The following PCDHA5 variants were observed in gnomAD, a reference collection of about 807,000 sequenced individuals.
PCDHA5 encodes protocadherin alpha 5, also known as protocadherin alpha-5.
Under a neutral mutation model 61.6 loss-of-function variants are expected in PCDHA5, and 43 were observed. The observed-to-expected ratio is 0.70, with a 90% confidence interval of 0.55 to 0.90. PCDHA5 has a LOEUF of 0.90. Ranked by LOEUF, PCDHA5 falls within the 40% of genes least tolerant of loss-of-function variation. The pLI is 0.00. For missense variants in PCDHA5, 1,298 were observed against 1,222.7 expected (o/e 1.06, Z -0.92); for synonymous variants, 627 against 543.9 (o/e 1.15, Z -2.13).
At position 140,823,087 on chromosome 5, in the gene PCDHA5, G is replaced by T; in HGVS notation, c.1312G>T (p.Ala438Ser). 1.2e-6 allele frequency: 2 copies of T among 1,613,984 alleles called. No homozygotes were observed. The highest frequency in any genetic ancestry group is 4.5e-5 in the East Asian group (2 of 44,888). ...GGGCTCGCCTTCGCTGTGGGCCACC[G>T]CCAGCGTGTCTGTGGAAGTGGCCGA... ...DGGSPSLWAT[A>S]SVSVEVADVN... is the part of the protein sequence containing the mutation. Residue 438 changes from alanine (A) to serine (S), a missense_variant, in exon 1 of 4, where the codon GCC becomes TCC. By Grantham distance (99) the Ala-to-Ser change is moderately conservative (BLOSUM62 1). Transcript: ENST00000529859.
chr5:140,974,534 G>A (rs929112962), intron 1 of PCDHA5, among the ~76,000 whole-genome samples: 4 of 151,974 alleles, frequency 2.6e-5, no homozygotes, highest in Admixed American at 1.3e-4. Flanking sequence ...TTTTTGAGAC[G>A]GAGTTTTGCT....
intron 1 of PCDHA5, chr5:140,871,710 C>A: frequency 3.6e-6 from 3 of 826,484 alleles, no homozygotes; most frequent in South Asian, 4.5e-5. Flanking sequence ...AATAAATGTC[C>A]TATTTCTCTT....
intron 1 of PCDHA5, among the ~76,000 whole-genome samples, chr5:140,964,657 G>A (rs2067599): frequency 0.18 from 27,796 of 151,812 alleles, 2,893 homozygotes; most frequent in African/African-American, 0.28. Context: ...TAATGGGTGA[G>A]GACACAGGCC....
chr5:140,869,297 G>T lies in PCDHA5; in HGVS notation c.2352+45170G>T. 3.7e-6 allele frequency: 6 copies of T among 1,613,580 alleles called. No homozygotes were observed. The highest frequency in any genetic ancestry group is 1.1e-5 in the South Asian group (1 of 91,050). On this transcript the variant is annotated intron_variant, in intron 1 of 3. Transcript: ENST00000529859. ...GCGGAGCTGGTGCAGCGCCTGTTCC[G>T]GGTGGCGTCCAAAACACATGGGGAC...
chr5:140,884,497 C>T, intron 1 of PCDHA5: 1 of 1,614,042 alleles, frequency 6.2e-7, no homozygotes, highest in Non-Finnish European at 8.5e-7. Flanking sequence ...TGTGCTCCAG[C>T]GCGGCAGGGA....
intron 1 of PCDHA5, among the ~76,000 whole-genome samples, chr5:140,964,435 C>G (rs2095833359): frequency 6.6e-6 from 1 of 152,108 alleles, no homozygotes; most frequent in African/African-American, 2.4e-5. Context: ...AATTACCAAG[C>G]CTCTGCCACT....
At chr5:140,928,752 T>C (rs781823494) in intron 1 of PCDHA5, 3 of 1,614,208 alleles carry the variant, frequency 1.9e-6, no homozygotes, top group Non-Finnish European at 2.5e-6. Context: ...AGCTCCGTAC[T>C]GCTCGCTTAG....
At chr5:140,962,817 G>A (rs555403742) in intron 1 of PCDHA5, among the ~76,000 whole-genome samples, 2 of 152,202 alleles carry the variant, frequency 1.3e-5, no homozygotes, top group South Asian at 4.1e-4. Flanking sequence ...CATCAGAGAT[G>A]ACCATTTGTC....
chr5:140,830,164 G>A, intron 1 of PCDHA5: 1 of 1,613,544 alleles, frequency 6.2e-7, no homozygotes, highest in Non-Finnish European at 8.5e-7. Context: ...GCCCAGAGGC[G>A]GCGCTGGTGG....
At chr5:140,828,473 G>A in intron 1 of PCDHA5, 1 of 1,614,248 alleles carries the variant, frequency 6.2e-7, no homozygotes, top group Non-Finnish European at 8.5e-7. Context: ...GGACATTAAC[G>A]ACAACCCGCC....
chr5:140,917,778 G>A (rs1271229686), intron 1 of PCDHA5, among the ~76,000 whole-genome samples: 4 of 152,218 alleles, frequency 2.6e-5, no homozygotes, highest in African/African-American at 9.6e-5. Flanking sequence ...TTAGTACCAT[G>A]TTGTTTTGGT....
rs1427134752 is a variant in PCDHA5 at position 140,834,645 on chromosome 5, T to C, written c.2352+10518T>C. Reference sequence around the variant, plus strand: ...GCAGAATGGCATTTTGTTTGTGAATTCTCGGATCGACCGCGAGGAGCTGTG... The same window carrying C: ...GCAGAATGGCATTTTGTTTGTGAATCCTCGGATCGACCGCGAGGAGCTGTG... On this transcript the variant is annotated intron_variant, in intron 1 of 3. Transcript: ENST00000529859. The C allele has an allele frequency of 2.5e-6, 4 of 1,614,086 alleles. No individual in the cohort carries two copies. The East Asian group carries it at 8.9e-5, about 36-fold the overall frequency.
intron 1 of PCDHA5, among the ~76,000 whole-genome samples, chr5:140,931,344 A>G (rs1233861770): frequency 6.6e-6 from 1 of 151,910 alleles, no homozygotes; most frequent in East Asian, 1.9e-4. Flanking sequence ...GGAGTGAGGA[A>G]TTTTTTTTAG....
intron 3 of PCDHA5, among the ~76,000 whole-genome samples, chr5:141,005,012 G>T (rs782256217): frequency 3.3e-5 from 5 of 152,212 alleles, no homozygotes; most frequent in Non-Finnish European, 4.4e-5. Context: ...CCTGAGAGCT[G>T]CATTATATAT....
intron 1 of PCDHA5, chr5:140,851,368 A>T: frequency 1.0e-6 from 1 of 976,356 alleles, no homozygotes; most frequent in Non-Finnish European, 1.2e-6. Flanking sequence ...TGAACATCTG[A>T]TTGTTCAGCA....
chr5:140,903,550 C>T lies in PCDHA5; in HGVS notation c.2353-75399C>T, dbSNP rs139225982. 2.6e-3 allele frequency among the ~76,000 whole-genome samples: 396 copies of T among 152,250 alleles called. 2 individuals carry two copies. The highest frequency in any genetic ancestry group is 9.3e-3 in the African/African-American group (385 of 41,564). The stretch of plus-strand genomic sequence containing the variant: ...CTTTAAACTAGAGCAAGAAACTTTT[C>T]TAATAAGTGGAATTGGGAGCTGTCT... On this transcript the variant is annotated intron_variant, in intron 1 of 3. Transcript: ENST00000529859.
At position 140,857,274 on chromosome 5, in the gene PCDHA5, AC is replaced by A. The variant is rs782434085; in HGVS notation, c.2352+33148del. 196 of 1,598,554 alleles carry A rather than the reference AC, an allele frequency of 1.2e-4. 15 individuals are homozygous for A. The highest frequency in any genetic ancestry group is 3.4e-5 in the Admixed American group (2 of 59,316). On this transcript the variant is annotated intron_variant, in intron 1 of 3. Transcript: ENST00000529859. ...AAGAATTACTACTCATTGGTGCTGG[AC>A]AGCGCTCTGGACCGCGAGAGGGTGT...
chr5:140,839,514 C>G (rs544251517), intron 1 of PCDHA5, among the ~76,000 whole-genome samples: 6 of 151,964 alleles, frequency 3.9e-5, no homozygotes, highest in Non-Finnish European at 8.8e-5. Flanking sequence ...CTCAGCCTCT[C>G]AAGTTGCTGG....
intron 1 of PCDHA5, among the ~76,000 whole-genome samples, chr5:140,874,231 G>T (rs1554167098): frequency 6.6e-6 from 1 of 152,124 alleles, no homozygotes; most frequent in African/African-American, 2.4e-5. Flanking sequence ...GGAATGAATG[G>T]CAACAAATTA....
Sources: gnomAD v4.1 joint callset for allele counts (sites outside exome capture counted in the v4.1 genomes callset) on GRCh38, gnomAD v4.1.1 for gene constraint, MANE v1.5 for transcripts, NCBI Gene and HGNC (gene_info 2026-07-23, HGNC 2026-07-21) for gene names.